The following FYB2 variants were observed in gnomAD, a reference collection of about 807,000 sequenced individuals.
The protein encoded by FYB2 is FYN binding protein 2.
A neutral mutation model predicts 94.1 loss-of-function variants in FYB2; 103 were observed. The observed-to-expected ratio is 1.09, with a 90% CI of 0.93 to 1.29. FYB2 has a LOEUF of 1.29. Among genes scored for constraint, FYB2 ranks in the 50% most tolerant of loss-of-function variants. The pLI is 0.00. For missense variants in FYB2, 896 were observed against 841.5 expected (o/e 1.06, Z -0.80); for synonymous variants, 293 against 287.9 (o/e 1.02, Z -0.18).
intron 1 of FYB2, among the ~76,000 whole-genome samples, chr1:56,810,998 G>T (rs1006835965): frequency 3.3e-5 from 5 of 152,012 alleles, no homozygotes; most frequent in African/African-American, 1.2e-4. Flanking sequence ...TCCTTCAGTG[G>T]ATATCATCAT....
intron 15 of FYB2, among the ~76,000 whole-genome samples, chr1:56,733,858 G>A (rs936464734): frequency 6.6e-6 from 1 of 152,130 alleles, no homozygotes; most frequent in African/African-American, 2.4e-5. Context: ...TAGAATAAGT[G>A]CGATGTGGTG....
chr1:56,777,785 C>A (rs1645916328), intron 4 of FYB2, among the ~76,000 whole-genome samples: 1 of 152,006 alleles, frequency 6.6e-6, no homozygotes, highest in Admixed American at 6.6e-5. Flanking sequence ...ACCTTATCAC[C>A]AACATCCTCT....
chr1:56,789,547 T>C lies in FYB2; in HGVS notation c.758-413A>G, dbSNP rs148650454. ...ATGTTTTTCTTGGTTCTGGAACACT[T>C]TTCCCTTTCTTGGCAAACTTCAATT... On this transcript the variant is annotated intron_variant, in intron 2 of 19. Coordinates refer to ENST00000343433, the MANE Select transcript of FYB2 (RefSeq NM_001004303.5). 6.0e-3 allele frequency among the ~76,000 whole-genome samples: 910 copies of C among 152,360 alleles called. 5 individuals are homozygous for C. The highest frequency in any genetic ancestry group is 0.01 in the Middle Eastern group (3 of 294).
At chr1:56,798,235 T>C (rs1005035175) in intron 1 of FYB2, among the ~76,000 whole-genome samples, 38 of 152,216 alleles carry the variant, frequency 2.5e-4, no homozygotes, top group African/African-American at 8.9e-4. Context: ...AAACAAATGA[T>C]CTAATTGCTA....
rs1472692664 is a variant in FYB2, at chr1:56,792,268, G to C, written c.545C>G (p.Pro182Arg). The C allele has an allele frequency of 6.2e-7, 1 of 1,612,242 alleles. No individual in the cohort carries two copies. Among genetic ancestry groups the C allele is most frequent in the Non-Finnish European group, 8.5e-7 (1 of 1,179,530 alleles). Residue 182 changes from proline (P) to arginine (R), a missense_variant, in exon 2 of 20, where the codon CCC (proline) becomes CGC (arginine). Pro to Arg is a moderately radical substitution (Grantham distance 103). Transcript: ENST00000343433. ...TCCTTTTGTTTCCAGCTTTTTCCTG[G>C]GTTCCTCTGGAGTAAGCCCCATGCC... ...QKGMGLTPEE[P>R]RKKLETKGAQ...
upstream of FYB2, chr1:56,824,351 TC>T (rs1386443137): frequency 2.6e-5 from 4 of 152,314 alleles, no homozygotes; most frequent in Admixed American, 2.6e-4. Flanking sequence ...ACAGAAGGGC[TC>T]AAAAAGGCCC....
chr1:56,766,803 T>G (rs1645634902), intron 5 of FYB2, among the ~76,000 whole-genome samples: 2 of 152,208 alleles, frequency 1.3e-5, no homozygotes, highest in South Asian at 2.1e-4. Flanking sequence ...CCTCATGAAC[T>G]TCCTAAGTAT....
rs1212816504 is a variant in FYB2 at position 56,792,652 on chromosome 1, G to C, written c.161C>G (p.Pro54Arg). The C allele has an allele frequency of 1.9e-6, 3 of 1,614,000 alleles. No homozygotes were observed. The Admixed American group carries it at 5.0e-5, about 27-fold the overall frequency. ...GCGCTGCTTGTGGTTGGATGAGAGG[G>C]GTTTCCCATTGGCCAAAATTTGAGT... is the stretch of plus-strand genomic sequence containing the variant. ...QSTQILANGK[P>R]LSSNHKQRTP... Residue 54 changes from proline (P) to arginine (R), a missense_variant, in exon 2 of 20, where the codon CCC becomes CGC. By Grantham distance (103) the Pro-to-Arg change is moderately radical (BLOSUM62 -2). Coordinates refer to ENST00000343433, the MANE Select transcript of FYB2 (RefSeq NM_001004303.5).
At chr1:56,824,191 G>A (rs993637191), upstream of FYB2, 2 of 152,204 alleles carry the variant, frequency 1.3e-5, no homozygotes, top group Non-Finnish European at 2.9e-5. Context: ...CCTTAACTGT[G>A]TAATTTGTAA....
chr1:56,723,959 AAAT>A (rs1285704891), intron 16 of FYB2, among the ~76,000 whole-genome samples: 1 of 152,080 alleles, frequency 6.6e-6, no homozygotes, highest in Non-Finnish European at 1.5e-5. Flanking sequence ...ACAATTAAAA[AAAT>A]ATTTTTGATG....
At chr1:56,778,155 T>C (rs980474939) in intron 4 of FYB2, among the ~76,000 whole-genome samples, 1 of 152,116 alleles carries the variant, frequency 6.6e-6, no homozygotes, top group Admixed American at 6.6e-5. Flanking sequence ...CTATGTAGAA[T>C]GGTTTCTGTA....
At chr1:56,821,341 A>G (rs1406150982), upstream of FYB2, among the ~76,000 whole-genome samples, 1 of 151,952 alleles carries the variant, frequency 6.6e-6, no homozygotes, top group Non-Finnish European at 1.5e-5. Flanking sequence ...TTACAGTGCT[A>G]GGTCCTAGGC....
At chr1:56,809,473 CTG>C (rs574395971) in intron 1 of FYB2, among the ~76,000 whole-genome samples, 255 of 152,286 alleles carry the variant, frequency 1.7e-3, no homozygotes, top group African/African-American at 5.9e-3. Flanking sequence ...AGAGAAGACA[CTG>C]TGAATATTTG....
At position 56,768,026 on chromosome 1, in the gene FYB2, T is replaced by A; in HGVS notation, c.954-88A>T. 3.0e-6 allele frequency: 3 copies of A among 997,246 alleles called. No individual in the cohort carries two copies. In the South Asian group the frequency reaches 4.8e-5, roughly 16 times the overall value. 61.8% of individuals were successfully genotyped at this position (997,246 alleles called of 1,614,324 possible). A position where few individuals can be genotyped will look rare whatever the true frequency, so the allele number is the denominator to read the frequency against. On this transcript the variant is annotated intron_variant, in intron 4 of 19. Coordinates refer to ENST00000343433, the MANE Select transcript of FYB2 (RefSeq NM_001004303.5). ...TATTTTTTCCTCATTAGAGAAATAA[T>A]ATGTGTGTCTGGCCAATATGGTGAC...
chr1:56,748,650 T>C (rs867017641), intron 9 of FYB2, among the ~76,000 whole-genome samples: 2 of 152,140 alleles, frequency 1.3e-5, no homozygotes, highest in Middle Eastern at 6.8e-3. Flanking sequence ...AGCAAATTAA[T>C]ACCATTACTC....
At chr1:56,748,540 A>G (rs1462757759) in intron 9 of FYB2, among the ~76,000 whole-genome samples, 1 of 152,026 alleles carries the variant, frequency 6.6e-6, no homozygotes, top group Non-Finnish European at 1.5e-5. Context: ...CAGGTTTGTC[A>G]AAGATCATAT....
chr1:56,740,161 C>T (rs1030883088), intron 13 of FYB2, among the ~76,000 whole-genome samples: 4 of 152,058 alleles, frequency 2.6e-5, no homozygotes, highest in Non-Finnish European at 5.9e-5. Context: ...AATTTGGAAC[C>T]TCTCTCAAAA....
rs1330301985 is a variant in FYB2, at chr1:56,803,085, T to A, written c.10-10282A>T. Among the ~76,000 whole-genome samples, 4 of 152,320 alleles carry A rather than the reference T, an allele frequency of 2.6e-5. No homozygotes were observed. In the East Asian group the frequency reaches 5.8e-4, roughly 22 times the overall value. On this transcript the variant is annotated intron_variant, in intron 1 of 19. Coordinates refer to ENST00000343433, the MANE Select transcript of FYB2 (RefSeq NM_001004303.5). ...AGCACCAATTTAGGTCTACAATCCT[T>A]ACAAAATCCTCTGACCAAGTATACT...
Position 56,740,645 on chromosome 1 carries a change from G to A in FYB2, c.1703+52C>T, listed in dbSNP as rs1275520016. The A allele has an allele frequency of 5.6e-6, 6 of 1,072,264 alleles. No homozygotes were observed. The Admixed American group carries it at 1.3e-4, about 24-fold the overall frequency. The allele number at this position is 1,072,264 out of a possible 1,614,324, so 66.4% of individuals were successfully genotyped here. A position where few individuals can be genotyped will look rare whatever the true frequency, so the allele number is the denominator to read the frequency against. The stretch of plus-strand genomic sequence containing the variant: ...GATTGGATGGAGAACATCAACTTGT[G>A]TATCTACCAGGTTAATCCCCTCGTG... On this transcript the variant is annotated intron_variant, in intron 13 of 19. Coordinates refer to ENST00000343433, the MANE Select transcript of FYB2 (RefSeq NM_001004303.5).
Sources: allele counts gnomAD v4.1 joint callset (sites outside exome capture counted in the v4.1 genomes callset), GRCh38; gene constraint gnomAD v4.1.1; transcripts MANE v1.5; gene names NCBI Gene and HGNC (gene_info 2026-07-23, HGNC 2026-07-21).